Variants in MYH7B observed in about 807,000 individuals in gnomAD.
MYH7B encodes the protein myosin-7B.
In MYH7B, 205 loss-of-function variants were observed where a neutral mutation model predicts 234.5. The observed-to-expected ratio is 0.87, with a 90% CI of 0.78 to 0.98. The LOEUF is 0.98. Among genes scored for constraint, MYH7B ranks in the 50% least tolerant of loss-of-function variants. The probability of loss-of-function intolerance (pLI) is 0.00; values close to 1 mark genes in which losing one functional copy is unlikely to be tolerated. For missense variants in MYH7B, 2,652 were observed against 2,633.4 expected, an observed-to-expected ratio of 1.01 and a Z score of -0.15; for synonymous variants, 1,193 against 1,105.0, an observed-to-expected ratio of 1.08 and a Z score of -1.58.
chr20:34,958,351 C>T (rs1444987453), intron 2 of MYH7B, among the ~76,000 whole-genome samples, 139 bp downstream of exon 2: 1 of 152,162 alleles, frequency 6.6e-6, no homozygotes, highest in Non-Finnish European at 1.5e-5. Context: ...GAGCGTTTGC[C>T]CTTTCTGCAC....
intron 2 of MYH7B, among the ~76,000 whole-genome samples, chr20:34,963,659 G>A (rs80170004): frequency 0.085 from 12,962 of 152,124 alleles, 614 homozygotes; most frequent in South Asian, 0.13. Context: ...TGCCTAATTC[G>A]AAGGTCACAA....
At chr20:34,986,989 C>A (rs756208457) in exon 15 of MYH7B, 1 of 1,612,536 alleles carries the variant, frequency 6.2e-7, no homozygotes, top group Non-Finnish European at 8.5e-7. Flanking sequence ...TCGCCACCGA[C>A]GTATGAGCTC....
intron 38 of MYH7B, 88 bp downstream of exon 38, chr20:34,999,994 A>T: frequency 1.6e-6 from 2 of 1,277,086 alleles, no homozygotes; most frequent in Non-Finnish European, 2.2e-6. Flanking sequence ...TGTCCCTCCC[A>T]TGGGACTTTG....
chr20:35,001,101 G>A, exon 41 of MYH7B: 1 of 1,613,904 alleles, frequency 6.2e-7, no homozygotes, highest in East Asian at 2.2e-5. Context: ...GCCTTGAGGA[G>A]GCAGAACAGG....
rs575671865 is a variant in MYH7B at position 34,971,198 on chromosome 20, C to G, written c.-221-4202C>G. On this transcript the variant is annotated intron_variant, in intron 2 of 44. Coordinates refer to ENST00000262873, the Ensembl canonical transcript of MYH7B. ...TATGACATCAAGCAAGGACCTGCCT[C>G]TCTCTTTGCGGCTCAGTTTCCCCAG... Among the ~76,000 whole-genome samples the G allele has an allele frequency of 5.9e-5, 9 of 152,316 alleles. No homozygotes were observed. In the South Asian group the frequency reaches 1.5e-3, roughly 25 times the overall value.
At chr20:34,977,769 C>A in intron 4 of MYH7B, 89 bp downstream of exon 4, 2 of 1,508,606 alleles carry the variant, frequency 1.3e-6, no homozygotes, top group Non-Finnish European at 9.1e-7. Flanking sequence ...CGCGAGTCTT[C>A]TGAATCTGGA....
intron 1 of MYH7B, among the ~76,000 whole-genome samples, chr20:34,957,319 G>A (rs1461635291): frequency 6.6e-6 from 1 of 152,106 alleles, no homozygotes; most frequent in Non-Finnish European, 1.5e-5. Flanking sequence ...GTGGGGAGAT[G>A]GGCCAGAGAA....
intron 24 of MYH7B, 65 bp from the exon 25 acceptor site, chr20:34,993,037 C>G: frequency 1.3e-6 from 2 of 1,562,128 alleles, no homozygotes; most frequent in Non-Finnish European, 1.7e-6. Flanking sequence ...CCTGACTTCC[C>G]CATTCTCAGT....
intron 15 of MYH7B, 76 bp from the exon 16 acceptor site, chr20:34,987,073 G>A: frequency 6.2e-7 from 1 of 1,609,338 alleles, no homozygotes; most frequent in Non-Finnish European, 8.5e-7. Context: ...CTGCATGAAT[G>A]GTCCCGGGGC....
At chr20:35,001,207 G>A (rs1479684947) in intron 41 of MYH7B, 38 bp from the exon 42 acceptor site, 2 of 1,606,648 alleles carry the variant, frequency 1.2e-6, no homozygotes, top group African/African-American at 2.7e-5. Context: ...GGGTGACCCA[G>A]GGGTGGGCTT....
In MYH7B at chr20:34,974,345, C is replaced by A. The variant is rs544985690; in HGVS notation, c.-221-1055C>A. ...TCAGCCTCCGAAAGTGCTGGGATTACAAGCTCTTCAGGTATTGAAAGTCAG... is the reference window on the plus strand; with the variant it reads ...TCAGCCTCCGAAAGTGCTGGGATTAAAAGCTCTTCAGGTATTGAAAGTCAG... On this transcript the variant is annotated intron_variant, in intron 2 of 44. Coordinates refer to ENST00000262873, the Ensembl canonical transcript of MYH7B. 7.0e-5 allele frequency among the ~76,000 whole-genome samples: 10 copies of A among 143,560 alleles called. No individual in the cohort carries two copies. The South Asian group carries it at 2.3e-3, about 33-fold the overall frequency. 94.2% of individuals were successfully genotyped at this position (143,560 alleles called of 152,430 possible). A position where few individuals can be genotyped will look rare whatever the true frequency, so the allele number is the denominator to read the frequency against.
At chr20:34,981,765 T>C (rs1433209038) in intron 9 of MYH7B, 1 of 149,060 alleles carries the variant, frequency 6.7e-6, no homozygotes. Context: ...GGCAGGAGAA[T>C]TGCTTGAACC....
chr20:34,991,273 G>T, intron 24 of MYH7B, 152 bp downstream of exon 24: 2 of 600,934 alleles, frequency 3.3e-6, no homozygotes, highest in South Asian at 4.3e-5. Context: ...CAAGACATGG[G>T]GGTGGCTCAG....
rs1018235249 is a variant in MYH7B, at chr20:34,964,243, A to C, written c.-222+6031A>C. 3.3e-5 allele frequency among the ~76,000 whole-genome samples: 5 copies of C among 152,012 alleles called. No individual in the cohort carries two copies. The East Asian group carries it at 9.6e-4, about 29-fold the overall frequency. On this transcript the variant is annotated intron_variant, in intron 2 of 44. Coordinates refer to ENST00000262873, the Ensembl canonical transcript of MYH7B. Reference sequence around the variant, plus strand: ...CCGAGACAGAATGGTCAAGGTTTCTAGCTTTTGTCAGTCTAGTGATGTGAA... The same window carrying C: ...CCGAGACAGAATGGTCAAGGTTTCTCGCTTTTGTCAGTCTAGTGATGTGAA...
At chr20:34,968,880 G>A (rs1354392232) in intron 2 of MYH7B, among the ~76,000 whole-genome samples, 1 of 152,270 alleles carries the variant, frequency 6.6e-6, no homozygotes, top group African/African-American at 2.4e-5. Flanking sequence ...CAGCACACAA[G>A]GGGCTGGGGG....
exon 17 of MYH7B, chr20:34,987,579 G>T (rs750194224): frequency 1.2e-6 from 2 of 1,613,748 alleles, no homozygotes; most frequent in Non-Finnish European, 1.7e-6. Context: ...CTGCCTACCT[G>T]ATGGGGGTCA....
chr20:34,965,618 G>A (rs567043345), intron 2 of MYH7B, among the ~76,000 whole-genome samples: 1 of 152,344 alleles, frequency 6.6e-6, no homozygotes, highest in South Asian at 2.1e-4. Flanking sequence ...TTACCCATAA[G>A]TGTAATACAC....
Position 34,997,186 on chromosome 20 carries a change from C to G in MYH7B, c.3357+13C>G. 1 of 1,550,450 alleles carries G rather than the reference C, an allele frequency of 6.4e-7. No homozygotes were observed. The highest frequency in any genetic ancestry group is 1.2e-5 in the South Asian group (1 of 84,042). ...CAAGGAGCTGCAGGTGCGTGGGGATCGGGTGGGTGAGGCCTGGGGTCAGAG... is the reference window on the plus strand; with the variant it reads ...CAAGGAGCTGCAGGTGCGTGGGGATGGGGTGGGTGAGGCCTGGGGTCAGAG... On this transcript the variant is annotated intron_variant, in intron 31 of 44. Transcript: ENST00000262873.
intron 1 of MYH7B, among the ~76,000 whole-genome samples, chr20:34,956,540 TAAATG>T (rs1323643067): frequency 6.6e-6 from 1 of 150,882 alleles, no homozygotes; most frequent in Non-Finnish European, 1.5e-5. Context: ...GAATTTTAGT[TAAATG>T]GAATGTATCA....
Sources: gnomAD v4.1 joint callset for allele counts (sites outside exome capture counted in the v4.1 genomes callset) on GRCh38, gnomAD v4.1.1 for gene constraint, MANE v1.5 for transcripts, NCBI Gene and HGNC (gene_info 2026-07-23, HGNC 2026-07-21) for gene names.